NFXL1: variants seen among roughly 807,000 people sequenced by gnomAD.
NFXL1 encodes the protein NF-X1-type zinc finger protein NFXL1.
Under a neutral mutation model 123.3 loss-of-function variants are expected in NFXL1, and 66 were observed. The ratio of observed to expected loss-of-function variants is 0.54; its 90% CI spans 0.44 to 0.66. The LOEUF (loss-of-function observed/expected upper bound fraction) is 0.66, where lower values mean the gene tolerates loss of function less well. Ranked by LOEUF, NFXL1 falls within the 30% of genes least tolerant of loss-of-function variation. The pLI is 0.00. For synonymous variants in NFXL1, 346 were observed against 360.8 expected, an observed-to-expected ratio of 0.96 and a Z score of 0.46; for missense variants, 944 against 1,125.6, an observed-to-expected ratio of 0.84 and a Z score of 2.31.
intron 18 of NFXL1, among the ~76,000 whole-genome samples, chr4:47,871,580 T>C (rs868397239): frequency 9.9e-5 from 15 of 152,146 alleles, no homozygotes; most frequent in African/African-American, 3.4e-4. Flanking sequence ...GATGCTAAAA[T>C]TCGTGGGTGA....
In NFXL1 at chr4:47,880,015, A is replaced by G. The variant is rs140037337; in HGVS notation, c.1917-898T>C. Among the ~76,000 whole-genome samples the G allele has an allele frequency of 2.0e-5, 3 of 152,224 alleles. No individual in the cohort carries two copies. In the East Asian group the frequency reaches 5.8e-4, roughly 29 times the overall value. On this transcript the variant is annotated intron_variant, in intron 15 of 22. Transcript: ENST00000507489. ...TTTAATTATGACTTTTAGATACAAC[A>G]CCAAAAGCACAATCCATGAAATAAA...
Position 47,907,428 on chromosome 4 carries a change from A to C in NFXL1, c.407-2082T>G, listed in dbSNP as rs139072060. ...AGTTTGATGGGTCCACGTGCCAGCA[A>C]GATAGAGATACTCATCAGGAAGTTG... On this transcript the variant is annotated intron_variant, in intron 3 of 22. Coordinates refer to ENST00000507489, the MANE Select transcript of NFXL1 (RefSeq NM_001278624.2). Among the ~76,000 whole-genome samples, 155 of 152,366 alleles carry C rather than the reference A, an allele frequency of 1.0e-3. 2 individuals are homozygous for C. In the South Asian group the frequency reaches 0.024, roughly 24 times the overall value.
intron 15 of NFXL1, among the ~76,000 whole-genome samples, chr4:47,880,437 A>G (rs1038149010): frequency 6.6e-6 from 1 of 151,232 alleles, no homozygotes; most frequent in African/African-American, 2.4e-5. Flanking sequence ...AAAAAAAAAA[A>G]AAAAAAAAAA....
chr4:47,881,621 G>A (rs1467592229), intron 15 of NFXL1, among the ~76,000 whole-genome samples: 3 of 152,092 alleles, frequency 2.0e-5, no homozygotes, highest in East Asian at 1.9e-4. Context: ...GCCAAACTTG[G>A]AAGCAACCAA....
chr4:47,910,588 C>T (rs1219571728), intron 3 of NFXL1, among the ~76,000 whole-genome samples: 1 of 152,156 alleles, frequency 6.6e-6, no homozygotes, highest in Non-Finnish European at 1.5e-5. Context: ...ATTAAATACA[C>T]ACAAAGGCCT....
At chr4:47,850,102 T>C (rs1244681385) in intron 22 of NFXL1, among the ~76,000 whole-genome samples, 2 of 152,096 alleles carry the variant, frequency 1.3e-5, no homozygotes, top group East Asian at 3.8e-4. Flanking sequence ...TCATCCATGA[T>C]GATTTATAAA....
At position 47,878,668 on chromosome 4, in the gene NFXL1, T is replaced by TA; in HGVS notation, c.1939-4dup. On this transcript the variant is annotated splice_polypyrimidine_tract_variant and splice_region_variant and intron_variant, in intron 16 of 22. Transcript: ENST00000507489. The stretch of plus-strand genomic sequence containing the variant: ...GCATGGCATGGTAGTGGACTCACCT[T>TA]AAAAAATAAAGGAAATCAGCACAGC... The TA allele has an allele frequency of 6.6e-7, 1 of 1,521,496 alleles. No homozygotes were observed. The highest frequency in any genetic ancestry group is 8.8e-7 in the Non-Finnish European group (1 of 1,137,758). 94.2% of individuals were successfully genotyped at this position (1,521,496 alleles called of 1,614,324 possible).
At chr4:47,884,277 T>C in intron 15 of NFXL1, 69 bp downstream of exon 15, 2 of 854,512 alleles carry the variant, frequency 2.3e-6, no homozygotes, top group Non-Finnish European at 3.8e-6. Context: ...GGAGATTGAC[T>C]TCAGATACCC....
In NFXL1 at chr4:47,914,578, A is replaced by G. The variant is rs562097187; in HGVS notation, c.-216T>C. ...GCGTCTCCCGCCGGGAACCAACTGC[A>G]GTGGTACACCCCACGGAAAGCTACG... On this transcript the variant is annotated 5_prime_UTR_variant, in exon 1 of 23. Transcript: ENST00000507489. 39 of 204,092 alleles carry G rather than the reference A, an allele frequency of 1.9e-4. No individual in the cohort carries two copies. Among genetic ancestry groups the G allele is most frequent in the Admixed American group, 1.7e-3 (29 of 17,084 alleles). The allele number at this position is 204,092 out of a possible 1,614,324, so 12.6% of individuals were successfully genotyped here.
chr4:47,852,727 A>C (rs1577981361), intron 20 of NFXL1, among the ~76,000 whole-genome samples: 2 of 152,186 alleles, frequency 1.3e-5, no homozygotes, highest in East Asian at 3.9e-4. Flanking sequence ...AGTGGTCTTT[A>C]TATTAGTTTT....
Position 47,879,582 on chromosome 4 carries a change from G to A in NFXL1, c.1917-465C>T, listed in dbSNP as rs1039433591. On this transcript the variant is annotated intron_variant, in intron 15 of 22. Transcript: ENST00000507489. Reference sequence around the variant, plus strand: ...TATATATCAACAAACTGATTCTAAAGTCTATATAGAAAGATAACAGACCCA... The same window carrying A: ...TATATATCAACAAACTGATTCTAAAATCTATATAGAAAGATAACAGACCCA... Among the ~76,000 whole-genome samples the A allele has an allele frequency of 2.6e-5, 4 of 152,040 alleles. No homozygotes were observed. The South Asian group carries it at 8.3e-4, about 32-fold the overall frequency.
rs1385101580 is a variant in NFXL1 at position 47,903,338 on chromosome 4, T to C, written c.517-15A>G. On this transcript the variant is annotated splice_polypyrimidine_tract_variant and intron_variant, in intron 4 of 22. Transcript: ENST00000507489. ...CAGCTCCAAACCTAAGACAAATGTA[T>C]CAGAAGTTAATATATGTTAATTTTT... 3 of 1,482,162 alleles carry C rather than the reference T, an allele frequency of 2.0e-6. No homozygotes were observed. The highest frequency in any genetic ancestry group is 2.7e-6 in the Non-Finnish European group (3 of 1,114,812). The allele number at this position is 1,482,162 out of a possible 1,614,324, so 91.8% of individuals were successfully genotyped here. A position where few individuals can be genotyped will look rare whatever the true frequency, so the allele number is the denominator to read the frequency against.
chr4:47,893,888 A>C (rs1227454063), intron 11 of NFXL1, among the ~76,000 whole-genome samples: 1 of 150,862 alleles, frequency 6.6e-6, no homozygotes, highest in African/African-American at 2.4e-5. Flanking sequence ...ACACAAATAT[A>C]AAATGTATGA....
Position 47,894,257 on chromosome 4 carries a change from G to C in NFXL1, c.1375C>G (p.Pro459Ala), listed in dbSNP as rs138166995. 406 of 1,601,396 alleles carry C rather than the reference G, an allele frequency of 2.5e-4. No individual in the cohort carries two copies. The highest frequency in any genetic ancestry group is 3.1e-4 in the Non-Finnish European group (368 of 1,172,562). ...TCACACAGATAAGGTTTATGACAAG[G>C]CATTCGTTTTGTATGCTTTCCACAG... The part of the protein sequence containing the change: ...CRCGKHTKRM[P>A]CHKPYLCETK... The change falls in exon 11 of 23, where the codon CCT becomes GCT. Residue 459 changes from proline to alanine, a missense_variant. By Grantham distance (27) the Pro-to-Ala change is conservative. Around this residue, in one of 4 missense-constraint regions of NFXL1, gnomAD observed 296 missense variants for 395.1 expected, o/e 0.75. Coordinates refer to ENST00000507489, the MANE Select transcript of NFXL1 (RefSeq NM_001278624.2).
Position 47,899,474 on chromosome 4 carries a change from T to A in NFXL1, c.722A>T (p.Asp241Val), listed in dbSNP as rs1737268881. 1.2e-6 allele frequency: 2 copies of A among 1,612,814 alleles called. No homozygotes were observed. Residue 241 changes from aspartate (D) to valine (V), a missense_variant, in exon 6 of 23, where the codon GAT becomes GTT. This residue lies in a region of NFXL1 where 296 missense variants were observed against 395.1 expected (regional missense o/e 0.75). Transcript: ENST00000507489. Reference sequence around the variant, plus strand: ...CACAAGCCACGGATCTAAAGGTGGATCTTCTACTTTTCCACAATAGCAATA... The same window carrying A: ...CACAAGCCACGGATCTAAAGGTGGAACTTCTACTTTTCCACAATAGCAATA... Reference protein sequence around the residue: ...RYYCYCGKVEDPPLDPWLVPH... With the variant: ...RYYCYCGKVEVPPLDPWLVPH...
At chr4:47,905,477 A>T (rs1737527014) in intron 3 of NFXL1, 131 bp from the exon 4 acceptor site, 1 of 459,638 alleles carries the variant, frequency 2.2e-6, no homozygotes, top group Non-Finnish European at 3.9e-6. Context: ...TAAAACAAGA[A>T]GTTTTTTTTA....
intron 20 of NFXL1, chr4:47,852,343 A>G (rs776621467): frequency 1.2e-4 from 20 of 172,206 alleles, no homozygotes; most frequent in Non-Finnish European, 2.2e-4. Context: ...GTAAATCTGC[A>G]TTAGTCCACA....
intron 19 of NFXL1, among the ~76,000 whole-genome samples, chr4:47,858,482 C>T (rs1251246677): frequency 6.6e-6 from 1 of 152,188 alleles, no homozygotes; most frequent in African/African-American, 2.4e-5. Flanking sequence ...ATAACAACCA[C>T]ATTTGGAAAT....
rs200858571 is a variant in NFXL1, at chr4:47,905,276, T to C, written c.477A>G (p.Thr159=). The C allele has an allele frequency of 7.5e-6, 12 of 1,595,178 alleles. No individual in the cohort carries two copies. Among genetic ancestry groups the C allele is most frequent in the South Asian group, 1.1e-5 (1 of 90,010 alleles). The change falls in exon 4 of 23, where the codon ACA becomes ACG. Residue 159 remains threonine, a synonymous_variant. Coordinates refer to ENST00000507489, the MANE Select transcript of NFXL1 (RefSeq NM_001278624.2). ...VNEAFQAGAM[T]CLICIASVKR... is the part of the protein sequence containing the mutation. Reference sequence around the variant, plus strand: ...TCACCGAAGCAATACAAATTAGGCATGTCATAGCCCCTGCTTGAAAAGCTT... The same window carrying C: ...TCACCGAAGCAATACAAATTAGGCACGTCATAGCCCCTGCTTGAAAAGCTT...
Sources: gnomAD v4.1 joint callset for allele counts (sites outside exome capture counted in the v4.1 genomes callset) on GRCh38, gnomAD v4.1.1 for gene constraint, gnomAD v4.1.1 regional missense constraint, MANE v1.5 for transcripts, NCBI Gene and HGNC (gene_info 2026-07-23, HGNC 2026-07-21) for gene names.